EMCN: variants seen among roughly 807,000 people sequenced by gnomAD.
The protein encoded by EMCN is MUC-14.
EMCN carries 37 observed loss-of-function variants against 38.4 expected under a neutral mutation model. That is an observed-to-expected ratio of 0.96 (90% CI 0.74 to 1.27). The LOEUF is 1.27. Among genes scored for constraint, EMCN ranks in the 50% most tolerant of loss-of-function variants. The probability of loss-of-function intolerance (pLI) is 0.00; values close to 1 mark genes in which losing one functional copy is unlikely to be tolerated. For synonymous variants in EMCN, 95 were observed against 100.8 expected, an observed-to-expected ratio of 0.94 and a Z score of 0.35; for missense variants, 318 against 302.8, an observed-to-expected ratio of 1.05 and a Z score of -0.37.
intron 5 of EMCN, among the ~76,000 whole-genome samples, chr4:100,447,302 C>T (rs1292142216): frequency 6.6e-6 from 1 of 152,138 alleles, no homozygotes. Flanking sequence ...TTTATACATT[C>T]GCTAGAGCTG....
intron 4 of EMCN, among the ~76,000 whole-genome samples, chr4:100,448,794 G>GTTTTCTTTCCTT (rs1553929059): frequency 7.1e-5 from 4 of 56,390 alleles, no homozygotes; most frequent in East Asian, 1.6e-3. Context: ...CTGCCTTGAA[G>GTTTTCTTTCCTT]TCTTCCTTCC....
chr4:100,422,992 C>T, intron 7 of EMCN, 29 bp downstream of exon 7: 1 of 1,607,540 alleles, frequency 6.2e-7, no homozygotes, highest in Middle Eastern at 1.7e-4. Context: ...ATATCTACTG[C>T]CATGAATGAA....
At chr4:100,410,987 T>C (rs1726537126) in intron 10 of EMCN, among the ~76,000 whole-genome samples, 1 of 152,200 alleles carries the variant, frequency 6.6e-6, no homozygotes, top group South Asian at 2.1e-4. Flanking sequence ...ATTACTTGTG[T>C]CCTTCAGGTA....
At chr4:100,462,747 C>T (rs1202871822) in intron 4 of EMCN, among the ~76,000 whole-genome samples, 1 of 152,112 alleles carries the variant, frequency 6.6e-6, no homozygotes, top group African/African-American at 2.4e-5. Context: ...GATGATTCTG[C>T]TCTTCAAATT....
intron 11 of EMCN, among the ~76,000 whole-genome samples, chr4:100,403,575 CT>C (rs1726315821): frequency 6.6e-6 from 1 of 151,790 alleles, no homozygotes; most frequent in Non-Finnish European, 1.5e-5. Context: ...ATTTGTATTT[CT>C]TTGGTCTGTA....
Position 100,517,899 on chromosome 4 carries a change from C to T in EMCN, c.16G>A (p.Val6Met). The T allele has an allele frequency of 6.2e-7, 1 of 1,612,746 alleles. No homozygotes were observed. Among genetic ancestry groups the T allele is most frequent in the South Asian group, 1.1e-5 (1 of 91,054 alleles). MELLQ[V>M]TILFLLPSIC... ...CTGGGCAGAAGAAAAAGAATGGTCA[C>T]TTGAAGCAGTTCCATGGTGCCCGTA... Residue 6 changes from valine to methionine, a missense_variant, in exon 1 of 12, where the codon GTG becomes ATG. Val to Met is a conservative substitution (Grantham distance 21, BLOSUM62 1). Coordinates refer to ENST00000296420, the MANE Select transcript of EMCN (RefSeq NM_016242.4).
At chr4:100,428,455 C>T (rs1010551884) in intron 5 of EMCN, among the ~76,000 whole-genome samples, 3 of 152,148 alleles carry the variant, frequency 2.0e-5, no homozygotes, top group African/African-American at 7.2e-5. Context: ...TCTCAGAGCA[C>T]TTATGCCTTT....
rs563084005 is a variant in EMCN, at chr4:100,511,862, A to G, written c.64+5989T>C. Among the ~76,000 whole-genome samples the G allele has an allele frequency of 5.1e-4, 77 of 152,102 alleles. 1 individual carries two copies. Among genetic ancestry groups the G allele is most frequent in the South Asian group, 4.6e-3 (22 of 4,826 alleles). On this transcript the variant is annotated intron_variant, in intron 1 of 11. Coordinates refer to ENST00000296420, the MANE Select transcript of EMCN (RefSeq NM_016242.4). ...AAAAAAAAAAATAGGAAGAGGAGAA[A>G]AGGACTAAAACAATGAAACTGGAGC... is the stretch of plus-strand genomic sequence containing the variant.
intron 5 of EMCN, among the ~76,000 whole-genome samples, chr4:100,427,451 CTCTTTT>C (rs1220406874): frequency 7.6e-6 from 1 of 130,970 alleles, no homozygotes; most frequent in African/African-American, 3.5e-5. Context: ...TTCTCTCTCT[CTCTTTT>C]TTTTTTTTTT....
chr4:100,480,054 G>C lies in EMCN; in HGVS notation c.65-15C>G. 6.2e-7 allele frequency: 1 copy of C among 1,601,996 alleles called. No homozygotes were observed. Among genetic ancestry groups the C allele is most frequent in the African/African-American group, 1.3e-5 (1 of 74,304 alleles). ...CTCTAAAACACCTGAAAAAAGTAAA[G>C]TAGTTGCATTAACATTTACATATAG... On this transcript the variant is annotated splice_polypyrimidine_tract_variant and intron_variant, in intron 1 of 11. Coordinates refer to ENST00000296420, the MANE Select transcript of EMCN (RefSeq NM_016242.4).
At chr4:100,504,073 AG>A in intron 1 of EMCN, among the ~76,000 whole-genome samples, 1 of 152,354 alleles carries the variant, frequency 6.6e-6, no homozygotes, top group South Asian at 2.1e-4. Flanking sequence ...ACAAAATCAA[AG>A]TATGTGTGCA....
chr4:100,507,316 T>C (rs1308166071), intron 1 of EMCN, among the ~76,000 whole-genome samples: 1 of 152,206 alleles, frequency 6.6e-6, no homozygotes, highest in African/African-American at 2.4e-5. Flanking sequence ...TTGACTAATA[T>C]TTGTATTAAC....
intron 4 of EMCN, among the ~76,000 whole-genome samples, chr4:100,456,923 C>T (rs1328923411): frequency 6.6e-6 from 1 of 152,046 alleles, no homozygotes; most frequent in African/African-American, 2.4e-5. Flanking sequence ...TTAAAATTTT[C>T]ATGAGAATTG....
At chr4:100,440,559 A>C (rs1021993478) in intron 5 of EMCN, among the ~76,000 whole-genome samples, 3 of 152,028 alleles carry the variant, frequency 2.0e-5, no homozygotes, top group Non-Finnish European at 4.4e-5. Context: ...ATATCTGCAA[A>C]AGACATTATT....
At chr4:100,457,744 A>G (rs1197829743) in intron 4 of EMCN, among the ~76,000 whole-genome samples, 1 of 152,194 alleles carries the variant, frequency 6.6e-6, no homozygotes, top group East Asian at 1.9e-4. Context: ...CATTAAGAAT[A>G]TCAGTCTGCA....
intron 11 of EMCN, among the ~76,000 whole-genome samples, chr4:100,401,230 A>G (rs1187541598): frequency 6.6e-6 from 1 of 152,184 alleles, no homozygotes; most frequent in Non-Finnish European, 1.5e-5. Context: ...CTATGTCCAC[A>G]GATTCAACCA....
At chr4:100,483,691 C>A (rs1728872395) in intron 1 of EMCN, among the ~76,000 whole-genome samples, 1 of 152,046 alleles carries the variant, frequency 6.6e-6, no homozygotes, top group African/African-American at 2.4e-5. Flanking sequence ...CTTTGTCTTA[C>A]CATGTGGTGG....
chr4:100,503,937 A>C (rs1729412561), intron 1 of EMCN, among the ~76,000 whole-genome samples: 1 of 152,064 alleles, frequency 6.6e-6, no homozygotes, highest in South Asian at 2.1e-4. Flanking sequence ...CTAAAGTTTT[A>C]ACCAGATATC....
chr4:100,465,316 A>G (rs1175543388), intron 4 of EMCN, 107 bp downstream of exon 4: 7 of 643,940 alleles, frequency 1.1e-5, no homozygotes, highest in Non-Finnish European at 1.9e-5. Context: ...TTAAGAGACA[A>G]TTTAAGCAGA....
Sources: allele counts gnomAD v4.1 joint callset (sites outside exome capture counted in the v4.1 genomes callset), GRCh38; gene constraint gnomAD v4.1.1; transcripts MANE v1.5; gene names NCBI Gene and HGNC (gene_info 2026-07-23, HGNC 2026-07-21).